The following CMTR1 variants were observed in gnomAD, a reference collection of about 807,000 sequenced individuals.
CMTR1 encodes the protein cap-specific mRNA (nucleoside-2'-O-)-methyltransferase 1.
In CMTR1, 39 loss-of-function variants were observed where a neutral mutation model predicts 107.0. The observed-to-expected ratio is 0.36, with a 90% CI of 0.28 to 0.48. The LOEUF is 0.48. CMTR1 is among the 20% of genes least tolerant of loss of function. The pLI, the probability that CMTR1 is intolerant of heterozygous loss-of-function variation, is 0.99. For synonymous variants in CMTR1, 366 were observed against 379.5 expected (o/e 0.96, Z 0.41); for missense variants, 672 against 1,064.9 (o/e 0.63, Z 5.14).
At chr6:37,476,982 C>T (rs1761751649) in intron 20 of CMTR1, among the ~76,000 whole-genome samples, 1 of 152,122 alleles carries the variant, frequency 6.6e-6, no homozygotes, top group Admixed American at 6.5e-5. Context: ...AAGACAGCTC[C>T]CAGGGGGAAC....
intron 17 of CMTR1, 47 bp downstream of exon 17, chr6:37,473,648 C>G: frequency 6.3e-7 from 1 of 1,592,818 alleles, no homozygotes; most frequent in Non-Finnish European, 8.6e-7. Flanking sequence ...GGTGGATTTG[C>G]CCTTTGCGGA....
intron 4 of CMTR1, among the ~76,000 whole-genome samples, chr6:37,448,827 G>A (rs115167036): frequency 2.1e-3 from 325 of 152,306 alleles, no homozygotes; most frequent in Non-Finnish European, 3.8e-3. Context: ...GGCACTTAGC[G>A]CTGCCTGCAC....
chr6:37,471,086 TG>T lies in CMTR1; in HGVS notation c.1562+10del. On this transcript the variant is annotated intron_variant, in intron 14 of 23. Coordinates refer to ENST00000373451, the MANE Select transcript of CMTR1 (RefSeq NM_015050.3). The stretch of plus-strand genomic sequence containing the variant: ...GCCTTTGTTCAAGACACGTGAGTGT[TG>T]CCCACTTTTCAGAAACCACCTATTT... The T allele has an allele frequency of 6.3e-7, 1 of 1,588,908 alleles. No individual in the cohort carries two copies. The highest frequency in any genetic ancestry group is 1.8e-5 in the Admixed American group (1 of 55,806).
At chr6:37,477,509 G>C in intron 20 of CMTR1, 83 bp from the exon 21 acceptor site, 1 of 1,267,040 alleles carries the variant, frequency 7.9e-7, no homozygotes, top group Non-Finnish European at 1.2e-6. Context: ...AAGGTCAAGT[G>C]CAGTCTCCTG....
intron 2 of CMTR1, among the ~76,000 whole-genome samples, chr6:37,441,491 C>T (rs528492400): frequency 2.0e-5 from 3 of 151,930 alleles, no homozygotes; most frequent in South Asian, 2.1e-4. Flanking sequence ...CTCGGCTCAC[C>T]GCAATCTCCA....
upstream of CMTR1, among the ~76,000 whole-genome samples, chr6:37,430,408 G>A (rs1426135412): frequency 3.6e-5 from 5 of 137,010 alleles, no homozygotes; most frequent in African/African-American, 9.8e-5. Flanking sequence ...ATGTGTGTGT[G>A]TGTATATATA....
chr6:37,466,048 G>T (rs7746549), intron 13 of CMTR1, among the ~76,000 whole-genome samples: 1,509 of 150,480 alleles, frequency 0.01, 24 homozygotes, highest in African/African-American at 0.034. Flanking sequence ...TTATATGCAG[G>T]AAATCATTGT....
chr6:37,438,649 A>G (rs1771592901), intron 2 of CMTR1, among the ~76,000 whole-genome samples: 2 of 152,224 alleles, frequency 1.3e-5, no homozygotes, highest in South Asian at 4.1e-4. Flanking sequence ...GTAAATAGTT[A>G]CTGAATAGAA....
chr6:37,480,740 C>A lies in CMTR1; in HGVS notation c.*595C>A. 9.6e-7 allele frequency: 1 copy of A among 1,047,110 alleles called. No individual in the cohort carries two copies. Among genetic ancestry groups the A allele is most frequent in the Non-Finnish European group, 1.2e-6 (1 of 868,514 alleles). 64.9% of individuals were successfully genotyped at this position (1,047,110 alleles called of 1,614,324 possible). A position where few individuals can be genotyped will look rare whatever the true frequency, so the allele number is the denominator to read the frequency against. On this transcript the variant is annotated 3_prime_UTR_variant, in exon 24 of 24. Transcript: ENST00000373451. ...ATCCTGGCCTTCCCTGGAGTTCTTC[C>A]TAGCCCAGAGCTCTGACAGTCCAGC...
At chr6:37,429,251 C>T (rs185260352), upstream of CMTR1, among the ~76,000 whole-genome samples, 269 of 152,104 alleles carry the variant, frequency 1.8e-3, 1 homozygote, top group African/African-American at 5.7e-3. Context: ...AATTTCCATT[C>T]GGTTCTTTCT....
chr6:37,429,596 T>C (rs1357860097), upstream of CMTR1, among the ~76,000 whole-genome samples: 1 of 152,188 alleles, frequency 6.6e-6, no homozygotes, highest in Non-Finnish European at 1.5e-5. Context: ...GGCATTTGCC[T>C]TATTTGGACA....
At position 37,480,083 on chromosome 6, in the gene CMTR1, C is replaced by A; in HGVS notation, c.2446C>A (p.Gln816Lys). The A allele has an allele frequency of 6.3e-7, 1 of 1,591,576 alleles. No individual in the cohort carries two copies. Among genetic ancestry groups the A allele is most frequent in the Non-Finnish European group, 8.5e-7 (1 of 1,171,522 alleles). ...TCGTGTGCATGACTCCCAGAAGCCCCAGGACCAGGACAAGCTGTCCAAGGA... is the reference window on the plus strand; with the variant it reads ...TCGTGTGCATGACTCCCAGAAGCCCAAGGACCAGGACAAGCTGTCCAAGGA... Reference protein sequence around the residue: ...GIRVHDSQKPQDQDKLSKEDV... With the variant: ...GIRVHDSQKPKDQDKLSKEDV... Residue 816 changes from glutamine to lysine, a missense_variant, in exon 24 of 24, where the codon CAG becomes AAG. Physicochemically the swap from Gln to Lys is moderately conservative, Grantham distance 53. Coordinates refer to ENST00000373451, the MANE Select transcript of CMTR1 (RefSeq NM_015050.3).
chr6:37,478,397 C>T lies in CMTR1; in HGVS notation c.2154-12C>T, dbSNP rs375080589. On this transcript the variant is annotated splice_polypyrimidine_tract_variant and intron_variant, in intron 21 of 23. Coordinates refer to ENST00000373451, the MANE Select transcript of CMTR1 (RefSeq NM_015050.3). ...TTTCTCTCTCATGCACGTACCTTCT[C>T]GGGGAAATCAGGTTGGAGATGAAGA... The T allele has an allele frequency of 1.9e-5, 30 of 1,608,388 alleles. No individual in the cohort carries two copies. The African/African-American group carries it at 1.9e-4, about 10-fold the overall frequency.
chr6:37,466,198 T>C (rs1318035228), intron 13 of CMTR1, among the ~76,000 whole-genome samples: 4 of 148,930 alleles, frequency 2.7e-5, no homozygotes, highest in African/African-American at 9.8e-5. Flanking sequence ...CTGCAACCTC[T>C]GCCTCCCGGG....
intron 3 of CMTR1, among the ~76,000 whole-genome samples, chr6:37,444,559 G>A (rs1174120761): frequency 6.6e-6 from 1 of 152,078 alleles, no homozygotes; most frequent in Non-Finnish European, 1.5e-5. Flanking sequence ...TAAAATAAAT[G>A]GAAGTATTCC....
chr6:37,429,199 T>G (rs1771333205), upstream of CMTR1, among the ~76,000 whole-genome samples: 1 of 152,222 alleles, frequency 6.6e-6, no homozygotes. Context: ...TGAACCTATC[T>G]AGTGAAATTT....
intron 20 of CMTR1, among the ~76,000 whole-genome samples, chr6:37,476,905 A>G (rs1049123245): frequency 1.3e-5 from 2 of 152,260 alleles, no homozygotes; most frequent in Non-Finnish European, 2.9e-5. Flanking sequence ...CACTTTATAG[A>G]TGGCATGTGA....
In CMTR1 at chr6:37,458,083, C is replaced by G. The variant is rs1429082618; in HGVS notation, c.778-529C>G. Among the ~76,000 whole-genome samples, 1 of 152,146 alleles carries G rather than the reference C, an allele frequency of 6.6e-6. No homozygotes were observed. The highest frequency in any genetic ancestry group is 6.5e-5 in the Admixed American group (1 of 15,280). On this transcript the variant is annotated intron_variant, in intron 8 of 23. Transcript: ENST00000373451. The surrounding 1 kb of genome is among the most constrained non-coding windows in gnomAD (Gnocchi z 4.7). ...TTTGTTGTTTTTGTTGAGACAGGGT[C>G]TCGGTCTGTCGCCCAGGCTCAAGTG...
chr6:37,464,892 CTGTGTGTGTGTGTGTG>C lies in CMTR1; in HGVS notation c.1505+1906_1505+1921del, dbSNP rs61375488. Among the ~76,000 whole-genome samples the C allele has an allele frequency of 1.9e-3, 283 of 148,350 alleles. 2 individuals carry two copies. The highest frequency in any genetic ancestry group is 3.3e-3 in the African/African-American group (132 of 39,806). ...AAATACCACATAGTTTTCTAAAACG[CTGTGTGTGTGTGTGTG>C]TGTGTGTGTGTGTGTGTGTGTACAG... On this transcript the variant is annotated intron_variant, in intron 13 of 23. Transcript: ENST00000373451.
Sources: allele counts gnomAD v4.1 joint callset (sites outside exome capture counted in the v4.1 genomes callset), GRCh38; gene constraint gnomAD v4.1.1; non-coding constraint Gnocchi (gnomAD v3.1); transcripts MANE v1.5; gene names NCBI Gene and HGNC (gene_info 2026-07-23, HGNC 2026-07-21).